PLA2R1: variants seen among roughly 807,000 people sequenced by gnomAD.
PLA2R1 encodes phospholipase A2 receptor 1.
In PLA2R1, 158 loss-of-function variants were observed where a neutral mutation model predicts 195.9. The observed-to-expected ratio is 0.81, with a 90% CI of 0.71 to 0.92. The LOEUF (loss-of-function observed/expected upper bound fraction) is 0.92, where lower values mean the gene tolerates loss of function less well. Ranked by LOEUF, PLA2R1 falls within the 40% of genes least tolerant of loss-of-function variation. The pLI is 0.00. For synonymous variants in PLA2R1, 586 were observed against 598.2 expected, an observed-to-expected ratio of 0.98 and a Z score of 0.30; for missense variants, 1,626 against 1,764.6, an observed-to-expected ratio of 0.92 and a Z score of 1.41.
At chr2:159,951,230 A>G in intron 24 of PLA2R1, 110 bp downstream of exon 24, 1 of 687,046 alleles carries the variant, frequency 1.5e-6, no homozygotes, top group Non-Finnish European at 2.6e-6. Flanking sequence ...TATATTTATT[A>G]ATATTTTTGG....
chr2:160,010,813 C>G (rs1692308770), intron 10 of PLA2R1, among the ~76,000 whole-genome samples: 1 of 152,204 alleles, frequency 6.6e-6, no homozygotes, highest in Non-Finnish European at 1.5e-5. Context: ...TTGGCCCTTT[C>G]TTTCTTCAAC....
chr2:159,994,001 C>T (rs1691029780), intron 11 of PLA2R1, among the ~76,000 whole-genome samples: 1 of 151,696 alleles, frequency 6.6e-6, no homozygotes, highest in African/African-American at 2.4e-5. Context: ...AGGACTATCC[C>T]AGCTATAAGT....
intron 20 of PLA2R1, among the ~76,000 whole-genome samples, chr2:159,962,119 T>G (rs1369791708): frequency 6.6e-6 from 1 of 152,042 alleles, no homozygotes; most frequent in Admixed American, 6.5e-5. Flanking sequence ...GGGAGAAAAT[T>G]TTTGCAATCT....
chr2:159,929,128 C>A (rs565732040), downstream of PLA2R1, among the ~76,000 whole-genome samples: 24 of 152,176 alleles, frequency 1.6e-4, no homozygotes, highest in South Asian at 4.8e-3. Context: ...AAAGCAAATG[C>A]AACAAAAACA....
chr2:159,937,672 A>G lies in PLA2R1; in HGVS notation c.*4106T>C, dbSNP rs772336663. 1 of 152,248 alleles carries G rather than the reference A, an allele frequency of 6.6e-6. No homozygotes were observed. The highest frequency in any genetic ancestry group is 1.5e-5 in the Non-Finnish European group (1 of 68,044). 9.4% of individuals were successfully genotyped at this position (152,248 alleles called of 1,614,324 possible). A position where few individuals can be genotyped will look rare whatever the true frequency, so the allele number is the denominator to read the frequency against. On this transcript the variant is annotated 3_prime_UTR_variant, in exon 30 of 30. Coordinates refer to ENST00000283243, the MANE Select transcript of PLA2R1 (RefSeq NM_007366.5). ...TTTTTCTACAGCTTGTTCTCTGACA[A>G]TAGTCAGGCAGTGGATGAGATAAAT... is the stretch of plus-strand genomic sequence containing the variant.
At chr2:159,948,162 T>A (rs1160437451) in intron 25 of PLA2R1, among the ~76,000 whole-genome samples, 1 of 152,228 alleles carries the variant, frequency 6.6e-6, no homozygotes, top group Non-Finnish European at 1.5e-5. Flanking sequence ...ACCATGGGCA[T>A]GTTACCTTGC....
intron 11 of PLA2R1, among the ~76,000 whole-genome samples, chr2:160,003,755 T>C (rs1691769858): frequency 6.6e-6 from 1 of 152,218 alleles, no homozygotes; most frequent in African/African-American, 2.4e-5. Context: ...CTCATAGTTA[T>C]GCACAGCGAC....
In PLA2R1 at chr2:159,949,637, A is replaced by C; in HGVS notation, c.3680T>G (p.Leu1227Arg). 2 of 1,614,090 alleles carry C rather than the reference A, an allele frequency of 1.2e-6. No homozygotes were observed. The highest frequency in any genetic ancestry group is 1.6e-4 in the Middle Eastern group (1 of 6,062). ...RWHSTACESF[L>R]QGAICHVPPE... is the part of the protein sequence containing the mutation. ...TGGCACATGACAAATGGCACCTTGC[A>C]GAAATGACTCGCAGGCTGTGCTATG... Residue 1227 changes from leucine to arginine, a missense_variant, in exon 25 of 30, where the codon CTG (leucine) becomes CGG (arginine). Leu to Arg is a moderately radical substitution (Grantham distance 102). Coordinates refer to ENST00000283243, the MANE Select transcript of PLA2R1 (RefSeq NM_007366.5).
chr2:160,038,880 C>T (rs958242129), intron 3 of PLA2R1, among the ~76,000 whole-genome samples: 4 of 151,870 alleles, frequency 2.6e-5, no homozygotes, highest in South Asian at 2.1e-4. Flanking sequence ...CGGGGGCAGG[C>T]GGGCGGCGAC....
intron 14 of PLA2R1, among the ~76,000 whole-genome samples, chr2:159,978,599 C>A (rs1689734949): frequency 6.6e-6 from 1 of 152,148 alleles, no homozygotes; most frequent in African/African-American, 2.4e-5. Flanking sequence ...GTGTTCTCAA[C>A]TTCTATGTGT....
chr2:160,059,981 T>C (rs1174574469), intron 1 of PLA2R1, among the ~76,000 whole-genome samples: 2 of 152,178 alleles, frequency 1.3e-5, no homozygotes, highest in Non-Finnish European at 2.9e-5. Context: ...GGTGGGGGCA[T>C]AGCCAAACCA....
At chr2:160,013,707 C>CTGTGTGTG (rs1162685609) in intron 9 of PLA2R1, among the ~76,000 whole-genome samples, 7 of 45,898 alleles carry the variant, frequency 1.5e-4, no homozygotes, top group African/African-American at 3.7e-4. Context: ...CTCTCTGTCT[C>CTGTGTGTG]TCTCTCTCTC....
chr2:159,977,454 C>T (rs760306849), intron 14 of PLA2R1, 38 bp from the exon 15 acceptor site: 12 of 1,601,784 alleles, frequency 7.5e-6, no homozygotes, highest in Non-Finnish European at 1.0e-5. Context: ...TAATGATGAT[C>T]CCCCCACAAA....
intron 1 of PLA2R1, 76 bp downstream of exon 1, chr2:160,062,219 C>T: frequency 8.4e-7 from 1 of 1,187,674 alleles, no homozygotes; most frequent in South Asian, 1.7e-5. Context: ...TAGCTTCGCC[C>T]CTTCTTCCTC....
At chr2:160,056,218 C>G (rs1004505390) in intron 1 of PLA2R1, among the ~76,000 whole-genome samples, 1 of 152,040 alleles carries the variant, frequency 6.6e-6, no homozygotes, top group African/African-American at 2.4e-5. Flanking sequence ...AATGTAGCAG[C>G]ATGTCATATT....
intron 6 of PLA2R1, 27 bp from the exon 7 acceptor site, chr2:160,022,886 C>T (rs1377998743): frequency 6.9e-7 from 1 of 1,451,980 alleles, no homozygotes; most frequent in African/African-American, 1.4e-5. Context: ...AAAACAATGT[C>T]ATTTTCCACA....
rs1276898503 is a variant in PLA2R1, at chr2:159,951,553, T to G, written c.3327A>C (p.Thr1109=). 6.3e-7 allele frequency: 1 copy of G among 1,580,194 alleles called. No homozygotes were observed. The highest frequency in any genetic ancestry group is 1.1e-5 in the South Asian group (1 of 90,664). ...TATTGGGCATTGGATACATATCAGA[T>G]GTATTTACACCGTGTCCAGAAGTAT... ...MQDTSGHGVN[T]SDMYPMPNTL... is the part of the protein sequence containing the mutation. The change falls in exon 24 of 30, where the codon ACA becomes ACC. Residue 1109 remains threonine, a synonymous_variant. Transcript: ENST00000283243.
intron 1 of PLA2R1, among the ~76,000 whole-genome samples, chr2:160,046,282 G>A (rs1011349248): frequency 1.3e-5 from 2 of 152,306 alleles, no homozygotes; most frequent in African/African-American, 2.4e-5. Flanking sequence ...AGGCCCAGGC[G>A]CTCTTTTGTT....
Position 160,020,154 on chromosome 2 carries a change from G to A in PLA2R1, c.1404C>T (p.Pro468=). The part of the protein sequence containing the change: ...VIFTNWHTLE[P]HIFPNRSQLC... ...GCTGGCTTCTATTTGGAAAAATGTG[G>A]GGCTCAAGTGTGTGCCAATTAGTAA... Residue 468 remains proline (P), a synonymous_variant, in exon 8 of 30, where the codon CCC becomes CCT. Coordinates refer to ENST00000283243, the MANE Select transcript of PLA2R1 (RefSeq NM_007366.5). The A allele has an allele frequency of 6.2e-7, 1 of 1,613,658 alleles. No individual in the cohort carries two copies. The highest frequency in any genetic ancestry group is 8.5e-7 in the Non-Finnish European group (1 of 1,179,694).
Sources: gnomAD v4.1 joint callset for allele counts (sites outside exome capture counted in the v4.1 genomes callset) on GRCh38, gnomAD v4.1.1 for gene constraint, MANE v1.5 for transcripts, NCBI Gene and HGNC (gene_info 2026-07-23, HGNC 2026-07-21) for gene names.